The following EPHA5 variants were observed in gnomAD, a reference collection of about 807,000 sequenced individuals.
EPHA5 encodes EPH receptor A5.
In EPHA5, 60 loss-of-function variants were observed where a neutral mutation model predicts 105.0. That is an observed-to-expected ratio of 0.57 (90% confidence interval 0.46 to 0.71). The LOEUF (loss-of-function observed/expected upper bound fraction) is 0.71. Among genes scored for constraint, EPHA5 ranks in the 30% least tolerant of loss-of-function variants. EPHA5 has a pLI of 0.00. For missense variants in EPHA5, 1,218 were observed against 1,274.7 expected, an observed-to-expected ratio of 0.96 and a Z score of 0.68; for synonymous variants, 513 against 449.1, an observed-to-expected ratio of 1.14 and a Z score of -1.80.
At chr4:65,634,417 T>C (rs921142886) in intron 2 of EPHA5, among the ~76,000 whole-genome samples, 1 of 152,086 alleles carries the variant, frequency 6.6e-6, no homozygotes, top group African/African-American at 2.4e-5. Flanking sequence ...ACTTGTCTTA[T>C]ATACAGAAGC....
intron 14 of EPHA5, among the ~76,000 whole-genome samples, chr4:65,345,634 A>G (rs1189261757): frequency 6.6e-6 from 1 of 152,250 alleles, no homozygotes; most frequent in Non-Finnish European, 1.5e-5. Flanking sequence ...GCCCTTGCAG[A>G]GAAAAGGGCT....
chr4:65,637,225 GT>G (rs33936787), intron 2 of EPHA5, among the ~76,000 whole-genome samples: 1,443 of 139,030 alleles, frequency 0.01, 30 homozygotes, highest in African/African-American at 0.035. Flanking sequence ...GCACAGAAAA[GT>G]TTTTTTTTTT....
chr4:65,485,486 G>T (rs760791530), intron 5 of EPHA5, among the ~76,000 whole-genome samples: 36 of 152,008 alleles, frequency 2.4e-4, no homozygotes, highest in South Asian at 2.1e-4. Flanking sequence ...AAATTTTGTA[G>T]CTTGATTATT....
chr4:65,483,682 G>T (rs1730603790), intron 5 of EPHA5, among the ~76,000 whole-genome samples: 1 of 152,180 alleles, frequency 6.6e-6, no homozygotes, highest in Admixed American at 6.5e-5. Context: ...CGTGATGAAT[G>T]AGATTTTTGT....
At chr4:65,377,084 C>T (rs1719087731) in intron 8 of EPHA5, 2 of 1,603,204 alleles carry the variant, frequency 1.2e-6, no homozygotes, top group African/African-American at 1.3e-5. Context: ...AACAAGAGAG[C>T]CCAAGATAAG....
intron 12 of EPHA5, 63 bp from the exon 13 acceptor site, chr4:65,351,661 G>A (rs1722831178): frequency 3.5e-6 from 5 of 1,448,034 alleles, no homozygotes; most frequent in Non-Finnish European, 3.9e-6. Flanking sequence ...AATATGAGAG[G>A]TCTGTATTCA....
intron 2 of EPHA5, among the ~76,000 whole-genome samples, chr4:65,619,334 T>C (rs1340881894): frequency 6.6e-6 from 1 of 152,168 alleles, no homozygotes; most frequent in African/African-American, 2.4e-5. Context: ...ATTTTTCAGA[T>C]TTTCAAAAAC....
chr4:65,454,668 C>A (rs1158333498), intron 5 of EPHA5, among the ~76,000 whole-genome samples: 1 of 152,064 alleles, frequency 6.6e-6, no homozygotes, highest in South Asian at 2.1e-4. Flanking sequence ...GTGGATGAAA[C>A]CAGTATGTTT....
chr4:65,574,530 T>C (rs545294297), intron 3 of EPHA5, among the ~76,000 whole-genome samples: 21 of 147,596 alleles, frequency 1.4e-4, no homozygotes, highest in African/African-American at 4.9e-4. Context: ...TAATGTAGTC[T>C]AAATGTCCAA....
At chr4:65,349,986 C>G (rs904038724) in intron 13 of EPHA5, among the ~76,000 whole-genome samples, 11 of 152,062 alleles carry the variant, frequency 7.2e-5, no homozygotes, top group African/African-American at 2.7e-4. Context: ...CACTATACCC[C>G]ATTTCAGAGG....
At chr4:65,559,974 A>G (rs1225650423) in intron 3 of EPHA5, among the ~76,000 whole-genome samples, 1 of 152,194 alleles carries the variant, frequency 6.6e-6, no homozygotes, top group Non-Finnish European at 1.5e-5. Context: ...GCTGGTACAT[A>G]AGGATATTAC....
intron 5 of EPHA5, among the ~76,000 whole-genome samples, chr4:65,469,473 A>T (rs1246599020): frequency 1.3e-5 from 2 of 152,136 alleles, no homozygotes; most frequent in Non-Finnish European, 2.9e-5. Flanking sequence ...TTTAGAAAGT[A>T]TTAGTAAAAG....
At chr4:65,537,031 G>A (rs964166199) in intron 3 of EPHA5, among the ~76,000 whole-genome samples, 2 of 151,634 alleles carry the variant, frequency 1.3e-5, no homozygotes, top group Admixed American at 6.6e-5. Flanking sequence ...ATGACTTAGA[G>A]GGACAAATTT....
chr4:65,630,602 C>A (rs1177242591), intron 2 of EPHA5, among the ~76,000 whole-genome samples: 2 of 152,198 alleles, frequency 1.3e-5, no homozygotes, highest in Non-Finnish European at 2.9e-5. Context: ...TATTTCCTTT[C>A]ATTCCTGCTC....
intron 3 of EPHA5, among the ~76,000 whole-genome samples, chr4:65,501,112 T>C (rs1732443831): frequency 6.6e-6 from 1 of 151,444 alleles, no homozygotes; most frequent in Non-Finnish European, 1.5e-5. Flanking sequence ...GTTTAAAATA[T>C]GTGTTTGCTA....
intron 8 of EPHA5, among the ~76,000 whole-genome samples, chr4:65,378,236 T>C (rs1719201264): frequency 7.0e-6 from 1 of 143,600 alleles, no homozygotes; most frequent in Non-Finnish European, 1.5e-5. Flanking sequence ...AATGAAATTC[T>C]AATAAAAATT....
intron 3 of EPHA5, among the ~76,000 whole-genome samples, chr4:65,535,426 T>C (rs1431870710): frequency 1.3e-5 from 2 of 152,216 alleles, no homozygotes; most frequent in African/African-American, 4.8e-5. Context: ...GACATGTAAG[T>C]CTCAAACCAG....
intron 4 of EPHA5, 110 bp from the exon 5 acceptor site, chr4:65,490,822 C>T: frequency 8.9e-7 from 1 of 1,118,746 alleles, no homozygotes; most frequent in South Asian, 1.6e-5. Context: ...GCAATAAGTC[C>T]TTTAAGTCAT....
At chr4:65,376,957 G>A (rs1719071709) in intron 8 of EPHA5, 1 of 1,541,578 alleles carries the variant, frequency 6.5e-7, no homozygotes, top group Non-Finnish European at 8.8e-7. Context: ...ATACATATAG[G>A]TGGACATCAC....
Sources: gnomAD v4.1 joint callset for allele counts (sites outside exome capture counted in the v4.1 genomes callset) on GRCh38, gnomAD v4.1.1 for gene constraint, MANE v1.5 for transcripts, NCBI Gene and HGNC (gene_info 2026-07-23, HGNC 2026-07-21) for gene names.